Variants in KIAA0319 observed in about 807,000 individuals in gnomAD.
KIAA0319 encodes dyslexia-associated protein KIAA0319.
Under a neutral mutation model 108.4 loss-of-function variants are expected in KIAA0319, and 83 were observed. The observed-to-expected ratio is 0.77, with a 90% CI of 0.64 to 0.92. The LOEUF (loss-of-function observed/expected upper bound fraction) is 0.92. Ranked by LOEUF, KIAA0319 falls within the 40% of genes least tolerant of loss-of-function variation. KIAA0319 has a pLI of 0.00. For missense variants in KIAA0319, 1,195 were observed against 1,322.4 expected, an observed-to-expected ratio of 0.90 and a Z score of 1.49; for synonymous variants, 484 against 510.4, an observed-to-expected ratio of 0.95 and a Z score of 0.70.
chr6:24,609,921 T>C (rs1018758533), intron 1 of KIAA0319, among the ~76,000 whole-genome samples: 1 of 151,970 alleles, frequency 6.6e-6, no homozygotes, highest in Non-Finnish European at 1.5e-5. Flanking sequence ...CCACACAACA[T>C]ATACAAAAAT....
At chr6:24,587,531 C>T (rs181044671) in intron 4 of KIAA0319, among the ~76,000 whole-genome samples, 2 of 152,036 alleles carry the variant, frequency 1.3e-5, no homozygotes, top group Admixed American at 6.5e-5. Flanking sequence ...CCACCCACCT[C>T]GGCCTCCCAA....
At chr6:24,551,934 A>C (rs1159985215) in intron 19 of KIAA0319, among the ~76,000 whole-genome samples, 1 of 152,190 alleles carries the variant, frequency 6.6e-6, no homozygotes, top group African/African-American at 2.4e-5. Flanking sequence ...AGGTGTCATG[A>C]ACTAGCAATC....
chr6:24,574,204 C>T (rs1304531569), intron 10 of KIAA0319, among the ~76,000 whole-genome samples: 3 of 151,904 alleles, frequency 2.0e-5, no homozygotes, highest in Non-Finnish European at 4.4e-5. Flanking sequence ...GAGGCCAAGG[C>T]GAGAAGATTT....
chr6:24,599,564 TG>T lies in KIAA0319; in HGVS notation c.55+1484del. 1 of 594,518 alleles carries T rather than the reference TG, an allele frequency of 1.7e-6. No individual in the cohort carries two copies. The highest frequency in any genetic ancestry group is 1.9e-5 in the Admixed American group (1 of 52,772). The allele number at this position is 594,518 out of a possible 1,614,324, so 36.8% of individuals were successfully genotyped here. A position where few individuals can be genotyped will look rare whatever the true frequency, so the allele number is the denominator to read the frequency against. ...AGGGCGAGGAGAGCTGGCTGGAGTCTGGGATGCAGAACATGAATATCCATAC... is the reference window on the plus strand; with the variant it reads ...AGGGCGAGGAGAGCTGGCTGGAGTCTGGATGCAGAACATGAATATCCATAC... On this transcript the variant is annotated intron_variant, in intron 2 of 20. Transcript: ENST00000378214. The surrounding 1 kb of genome is among the most constrained non-coding windows in gnomAD (Gnocchi z 4.1).
intron 1 of KIAA0319, among the ~76,000 whole-genome samples, chr6:24,643,989 C>T (rs1777291986): frequency 1.3e-5 from 2 of 152,374 alleles, no homozygotes; most frequent in South Asian, 2.1e-4. Context: ...GTTCCAGAAA[C>T]GGGCATACCT....
At chr6:24,616,574 G>A (rs1019344403) in intron 1 of KIAA0319, among the ~76,000 whole-genome samples, 1 of 152,132 alleles carries the variant, frequency 6.6e-6, no homozygotes, top group East Asian at 1.9e-4. Context: ...GGATGGTCTC[G>A]ATTTCTTGAC....
At chr6:24,571,721 C>G (rs1374093247) in intron 11 of KIAA0319, among the ~76,000 whole-genome samples, 1 of 152,238 alleles carries the variant, frequency 6.6e-6, no homozygotes, top group Admixed American at 6.5e-5. Flanking sequence ...ATACTGTTCC[C>G]TCTGCCTAAG....
In KIAA0319 at chr6:24,601,087, C is replaced by T. The variant is rs374548451; in HGVS notation, c.17G>A (p.Gly6Asp). Reference sequence around the variant, plus strand: ...CAGCAGCAGCAATGAAGAGAGCACACCTGTGGGGGGCGCCATTGTGCACCA... The same window carrying T: ...CAGCAGCAGCAATGAAGAGAGCACATCTGTGGGGGGCGCCATTGTGCACCA... MAPPT[G>D]VLSSLLLLVT... Residue 6 changes from glycine (G) to aspartate (D), a missense_variant, in exon 2 of 21, where the codon GGT (glycine) becomes GAT (aspartate). By Grantham distance (94) the Gly-to-Asp change is moderately conservative. Transcript: ENST00000378214. 32 of 1,614,130 alleles carry T rather than the reference C, an allele frequency of 2.0e-5. No individual in the cohort carries two copies. The highest frequency in any genetic ancestry group is 2.5e-5 in the Non-Finnish European group (30 of 1,180,016).
At chr6:24,564,391 T>A in intron 14 of KIAA0319, 51 bp from the exon 15 acceptor site, 1 of 1,609,414 alleles carries the variant, frequency 6.2e-7, no homozygotes, top group Non-Finnish European at 8.5e-7. Flanking sequence ...GGGTCCCAAT[T>A]TCTGGGCTTC....
intron 1 of KIAA0319, among the ~76,000 whole-genome samples, chr6:24,624,880 G>A (rs777267777): frequency 6.6e-6 from 1 of 152,196 alleles, no homozygotes. Context: ...ACATGATCCT[G>A]TCCTATTCAA....
Position 24,572,703 on chromosome 6 carries a change from G to A in KIAA0319, c.1735-5C>T, listed in dbSNP as rs763061826. 1.1e-5 allele frequency: 17 copies of A among 1,591,942 alleles called. No homozygotes were observed. The South Asian group carries it at 1.6e-4, about 15-fold the overall frequency. ...AAGGTATGGCGTCTGTACTCCCTAA[G>A]TAATAGCAAATACAAAAATAAAAAC... On this transcript the variant is annotated splice_polypyrimidine_tract_variant and splice_region_variant and intron_variant, in intron 10 of 20. Transcript: ENST00000378214.
intron 4 of KIAA0319, among the ~76,000 whole-genome samples, chr6:24,587,960 A>G (rs1024351171): frequency 5.9e-5 from 9 of 152,236 alleles, no homozygotes; most frequent in African/African-American, 2.2e-4. Context: ...CTCTATACCC[A>G]TCCAGGAAAG....
chr6:24,549,023 A>G (rs1761038942), intron 20 of KIAA0319, among the ~76,000 whole-genome samples: 1 of 152,108 alleles, frequency 6.6e-6, no homozygotes. Context: ...TAGTGCTCAC[A>G]TAAAAGAGGC....
chr6:24,569,435 T>C (rs1764361923), intron 12 of KIAA0319, among the ~76,000 whole-genome samples: 1 of 152,242 alleles, frequency 6.6e-6, no homozygotes, highest in African/African-American at 2.4e-5. Context: ...GTCTCATTAG[T>C]GTCTACAAGC....
chr6:24,580,856 A>T, intron 7 of KIAA0319, 70 bp downstream of exon 7: 1 of 928,840 alleles, frequency 1.1e-6, no homozygotes, highest in Non-Finnish European at 1.8e-6. Flanking sequence ...AGACAGATAT[A>T]GAGTCATCCA....
At chr6:24,613,453 C>T (rs1369801392) in intron 1 of KIAA0319, among the ~76,000 whole-genome samples, 1 of 152,012 alleles carries the variant, frequency 6.6e-6, no homozygotes, top group African/African-American at 2.4e-5. Flanking sequence ...CTGGGCAGCC[C>T]ATTTAGAACT....
chr6:24,540,781 A>G (rs1289815843), downstream of KIAA0319, among the ~76,000 whole-genome samples: 1 of 152,054 alleles, frequency 6.6e-6, no homozygotes, highest in Non-Finnish European at 1.5e-5. Context: ...TTATAAATTC[A>G]TAGGAAGTTG....
intron 1 of KIAA0319, among the ~76,000 whole-genome samples, chr6:24,622,764 C>G (rs1774144101): frequency 6.6e-6 from 1 of 152,156 alleles, no homozygotes; most frequent in South Asian, 2.1e-4. Context: ...AGATTAATGG[C>G]TGGGCACGGT....
At chr6:24,575,223 TG>T (rs1765293868) in intron 10 of KIAA0319, among the ~76,000 whole-genome samples, 1 of 152,194 alleles carries the variant, frequency 6.6e-6, no homozygotes, top group African/African-American at 2.4e-5. Flanking sequence ...AGAGGGTGTC[TG>T]GCAACTGGGC....
Sources: gnomAD v4.1 joint callset for allele counts (sites outside exome capture counted in the v4.1 genomes callset) on GRCh38, gnomAD v4.1.1 for gene constraint, Gnocchi (gnomAD v3.1) non-coding constraint, MANE v1.5 for transcripts, NCBI Gene and HGNC (gene_info 2026-07-23, HGNC 2026-07-21) for gene names.